The following CLDN14 variants were observed in gnomAD, a reference collection of about 807,000 sequenced individuals.
CLDN14 encodes claudin 14.
CLDN14 carries 2 observed loss-of-function variants against 2.1 expected under a neutral mutation model. The ratio of observed to expected loss-of-function variants is 0.96; its 90% CI spans 0.39 to 3.01. The LOEUF (loss-of-function observed/expected upper bound fraction) is 3.01. Among genes scored for constraint, CLDN14 ranks in the 30% most tolerant of loss-of-function variants. The pLI, the probability that CLDN14 is intolerant of heterozygous loss-of-function variation, is 0.09. For missense variants in CLDN14, 298 were observed against 328.0 expected, an observed-to-expected ratio of 0.91 and a Z score of 0.71; for synonymous variants, 136 against 154.4, an observed-to-expected ratio of 0.88 and a Z score of 0.88.
intron 1 of CLDN14, among the ~76,000 whole-genome samples, chr21:36,537,480 T>C (rs2146506876): frequency 1.3e-5 from 2 of 152,310 alleles, no homozygotes; most frequent in Middle Eastern, 3.4e-3. Context: ...AACTGGATAG[T>C]AGATGACGCT....
At chr21:36,506,511 C>T (rs1043794926) in intron 2 of CLDN14, among the ~76,000 whole-genome samples, 30 of 150,746 alleles carry the variant, frequency 2.0e-4, no homozygotes, top group African/African-American at 7.1e-4. Flanking sequence ...GCAGGAGAAT[C>T]GTTTGAACCG....
At chr21:36,468,325 C>T (rs545592573) in intron 1 of CLDN14, among the ~76,000 whole-genome samples, 1 of 152,192 alleles carries the variant, frequency 6.6e-6, no homozygotes, top group South Asian at 2.1e-4. Flanking sequence ...ACTTGTAATC[C>T]CAGCATTTTG....
chr21:36,535,178 T>G (rs184741782), intron 1 of CLDN14, among the ~76,000 whole-genome samples: 2,089 of 152,216 alleles, frequency 0.014, 47 homozygotes, highest in African/African-American at 0.047. Context: ...TCACCTGAGG[T>G]CAGGAGTTTG....
chr21:36,558,768 T>C (rs959000634), intron 1 of CLDN14, among the ~76,000 whole-genome samples: 1 of 151,894 alleles, frequency 6.6e-6, no homozygotes, highest in African/African-American at 2.4e-5. Context: ...TGGGGTTTTT[T>C]TTTTGTGGAA....
chr21:36,560,374 A>G (rs1328987339), intron 1 of CLDN14, among the ~76,000 whole-genome samples: 1 of 152,200 alleles, frequency 6.6e-6, no homozygotes, highest in Non-Finnish European at 1.5e-5. Context: ...GCAAAGAATT[A>G]GTGGCATCCA....
chr21:36,475,399 G>A (rs552933497), intron 1 of CLDN14, among the ~76,000 whole-genome samples: 126 of 152,298 alleles, frequency 8.3e-4, no homozygotes, highest in Admixed American at 1.6e-3. Flanking sequence ...TGCTGTAGCC[G>A]CAGCCCTTGG....
At chr21:36,486,446 G>A (rs1466846930) in intron 2 of CLDN14, 2 of 1,488,498 alleles carry the variant, frequency 1.3e-6, no homozygotes, top group Admixed American at 1.7e-5. Context: ...AAACCCGAGG[G>A]CCAAGGCCAG....
intron 1 of CLDN14, among the ~76,000 whole-genome samples, chr21:36,467,851 A>G (rs951377161): frequency 1.3e-5 from 2 of 152,136 alleles, no homozygotes; most frequent in African/African-American, 4.8e-5. Flanking sequence ...AAGAAATGTC[A>G]GCCCCAGATG....
chr21:36,538,940 G>A (rs369388094), intron 1 of CLDN14, among the ~76,000 whole-genome samples: 7 of 152,226 alleles, frequency 4.6e-5, no homozygotes, highest in African/African-American at 1.4e-4. Flanking sequence ...TCCCAGTCGC[G>A]CCCCTGCCCG....
upstream of CLDN14, among the ~76,000 whole-genome samples, chr21:36,481,566 T>C (rs2086845235): frequency 6.6e-6 from 1 of 152,268 alleles, no homozygotes; most frequent in African/African-American, 2.4e-5. Flanking sequence ...TCCAAATTGC[T>C]TTAAAATATT....
At chr21:36,562,795 A>G (rs382620) in intron 1 of CLDN14, among the ~76,000 whole-genome samples, 72,429 of 151,764 alleles carry the variant, frequency 0.48, 20,217 homozygotes, top group Non-Finnish European at 0.62. Flanking sequence ...GGTTCTCAGC[A>G]CAGTCAAGCG....
rs561678760 is a variant in CLDN14, at chr21:36,522,465, C to G, written c.-219-11965G>C. Among the ~76,000 whole-genome samples, 25 of 151,728 alleles carry G rather than the reference C, an allele frequency of 1.6e-4. No homozygotes were observed. The South Asian group carries it at 4.1e-3, about 25-fold the overall frequency. ...CAATCCTGCCCAAAGCTGGGCAAAG[C>G]CTGCGTGCCCAGCAGCCAGGAATTC... is the stretch of plus-strand genomic sequence containing the variant. On this transcript the variant is annotated intron_variant, in intron 1 of 2. Transcript: ENST00000342108.
At chr21:36,561,808 T>C (rs415100) in intron 1 of CLDN14, among the ~76,000 whole-genome samples, 113,424 of 152,038 alleles carry the variant, frequency 0.75, 43,895 homozygotes, top group Non-Finnish European at 0.87. Context: ...TCCCACAGTC[T>C]TCTAGGGCTG....
chr21:36,509,960 C>T (rs73392028), intron 2 of CLDN14, among the ~76,000 whole-genome samples: 7,133 of 152,278 alleles, frequency 0.047, 561 homozygotes, highest in African/African-American at 0.16. Flanking sequence ...ACCTACACAA[C>T]CTGTCAATCC....
chr21:36,550,562 A>G (rs1178650434), intron 1 of CLDN14, among the ~76,000 whole-genome samples: 2 of 152,156 alleles, frequency 1.3e-5, no homozygotes, highest in Admixed American at 1.3e-4. Context: ...CTGTCTGGAA[A>G]GTTGGGCCCA....
chr21:36,468,991 C>T (rs941867218), intron 1 of CLDN14, among the ~76,000 whole-genome samples: 2 of 152,044 alleles, frequency 1.3e-5, no homozygotes, highest in African/African-American at 2.4e-5. Flanking sequence ...AACTCCTGGC[C>T]TCAAGTGATC....
intron 1 of CLDN14, among the ~76,000 whole-genome samples, chr21:36,520,693 C>T (rs1483505916): frequency 6.6e-6 from 1 of 152,128 alleles, no homozygotes; most frequent in African/African-American, 2.4e-5. Context: ...TACAGAAGCT[C>T]ACATTCACAC....
At chr21:36,556,497 G>T in intron 1 of CLDN14, among the ~76,000 whole-genome samples, 1 of 152,154 alleles carries the variant, frequency 6.6e-6, no homozygotes, top group East Asian at 1.9e-4. Context: ...TGGAGGTCTG[G>T]CTCTGCCTCT....
intron 1 of CLDN14, among the ~76,000 whole-genome samples, chr21:36,553,734 A>ACAGTCAGCAGGACCTGCTG (rs2087578531): frequency 6.6e-6 from 1 of 151,728 alleles, no homozygotes; most frequent in Non-Finnish European, 1.5e-5. Context: ...AGGACCTGCT[A>ACAGTCAGCAGGACCTGCTG]CAGTCAGCAG....
Sources: gnomAD v4.1 joint callset for allele counts (sites outside exome capture counted in the v4.1 genomes callset) on GRCh38, gnomAD v4.1.1 for gene constraint, MANE v1.5 for transcripts, NCBI Gene and HGNC (gene_info 2026-07-23, HGNC 2026-07-21) for gene names.